FHIT: variants seen among roughly 807,000 people sequenced by gnomAD.
The protein encoded by FHIT is fragile histidine triad diadenosine triphosphatase, also known as bis(5'-adenosyl)-triphosphatase.
Under a neutral mutation model 17.9 loss-of-function variants are expected in FHIT, and 19 were observed. That is an observed-to-expected ratio of 1.06 (90% CI 0.74 to 1.56). The LOEUF (loss-of-function observed/expected upper bound fraction) is 1.56. Among genes scored for constraint, FHIT ranks in the 40% most tolerant of loss-of-function variants. The pLI, the probability that FHIT is intolerant of heterozygous loss-of-function variation, is 0.00. For missense variants in FHIT, 248 were observed against 189.2 expected, an observed-to-expected ratio of 1.31 and a Z score of -1.82; for synonymous variants, 81 against 69.7, an observed-to-expected ratio of 1.16 and a Z score of -0.81.
At chr3:59,976,012 T>C (rs747001178) in intron 7 of FHIT, among the ~76,000 whole-genome samples, 9 of 152,108 alleles carry the variant, frequency 5.9e-5, no homozygotes, top group Non-Finnish European at 1.3e-4. Context: ...CTGAAGGACT[T>C]GGGTTCAGAC....
intron 5 of FHIT, among the ~76,000 whole-genome samples, chr3:60,470,675 T>C (rs1368922551): frequency 2.6e-5 from 4 of 151,938 alleles, no homozygotes; most frequent in Non-Finnish European, 2.9e-5. Context: ...AAATCAGAGA[T>C]CCTAGGAGCC....
At chr3:61,194,039 T>C (rs181245078) in intron 2 of FHIT, among the ~76,000 whole-genome samples, 1 of 125,772 alleles carries the variant, frequency 8.0e-6, no homozygotes, top group East Asian at 2.8e-4. Flanking sequence ...AGAAAATAGA[T>C]TGGCGGTGGT....
intron 5 of FHIT, among the ~76,000 whole-genome samples, chr3:60,045,967 C>T (rs1457100207): frequency 6.6e-6 from 1 of 152,176 alleles, no homozygotes; most frequent in Non-Finnish European, 1.5e-5. Context: ...ATTTCTACAG[C>T]CAACTCTAAT....
chr3:59,908,509 C>T (rs1704689743), intron 8 of FHIT, among the ~76,000 whole-genome samples: 1 of 152,130 alleles, frequency 6.6e-6, no homozygotes, highest in Admixed American at 6.5e-5. Context: ...CACCATCCTG[C>T]AAAGAATGAT....
chr3:59,852,176 C>A (rs1701968026), intron 8 of FHIT, among the ~76,000 whole-genome samples: 2 of 152,126 alleles, frequency 1.3e-5, no homozygotes. Context: ...AGCTGGAGGC[C>A]TTCAGTGTAA....
At chr3:60,077,493 A>G (rs3845976) in intron 5 of FHIT, 98,622 of 151,446 alleles carry the variant, frequency 0.65, 33,040 homozygotes, top group Middle Eastern at 0.77. Flanking sequence ...AGATGAGATT[A>G]GAATATCCTG....
At chr3:60,604,418 C>A (rs571089118) in intron 4 of FHIT, among the ~76,000 whole-genome samples, 1 of 152,182 alleles carries the variant, frequency 6.6e-6, no homozygotes, top group Admixed American at 6.5e-5. Flanking sequence ...AGAGTTGGGG[C>A]CACCCACAGA....
At chr3:61,139,371 CTGAA>C (rs1560013286) in intron 2 of FHIT, among the ~76,000 whole-genome samples, 1 of 152,124 alleles carries the variant, frequency 6.6e-6, no homozygotes, top group Non-Finnish European at 1.5e-5. Flanking sequence ...TTGCTATGAA[CTGAA>C]TGTCTGTGTC....
At chr3:60,417,337 G>A (rs867310599) in intron 5 of FHIT, among the ~76,000 whole-genome samples, 5 of 152,126 alleles carry the variant, frequency 3.3e-5, no homozygotes, top group Admixed American at 6.5e-5. Flanking sequence ...TTTAGTACTT[G>A]CACCATTATG....
intron 3 of FHIT, among the ~76,000 whole-genome samples, chr3:60,975,266 T>C (rs1710186368): frequency 6.6e-6 from 1 of 152,182 alleles, no homozygotes; most frequent in African/African-American, 2.4e-5. Flanking sequence ...TCTTACTCTC[T>C]GGAGAGGCAT....
intron 4 of FHIT, among the ~76,000 whole-genome samples, chr3:60,545,613 T>C (rs1436380726): frequency 6.6e-6 from 1 of 152,200 alleles, no homozygotes; most frequent in East Asian, 1.9e-4. Flanking sequence ...AACCTGAGGG[T>C]TATTTCATAG....
chr3:59,880,178 T>C (rs763084792), intron 8 of FHIT, among the ~76,000 whole-genome samples: 1 of 152,196 alleles, frequency 6.6e-6, no homozygotes, highest in Non-Finnish European at 1.5e-5. Context: ...GTCTCCTGCC[T>C]GTCCCCTCTG....
At chr3:60,671,947 T>C (rs549001734) in intron 4 of FHIT, among the ~76,000 whole-genome samples, 1 of 151,918 alleles carries the variant, frequency 6.6e-6, no homozygotes, top group Admixed American at 6.6e-5. Flanking sequence ...CAAAACTCTG[T>C]CTTGAAAAAA....
chr3:60,829,617 G>C (rs1198868171), intron 3 of FHIT, among the ~76,000 whole-genome samples: 2 of 152,170 alleles, frequency 1.3e-5, no homozygotes, highest in Non-Finnish European at 2.9e-5. Context: ...TCTGGGAATT[G>C]TCCAATGTGC....
chr3:60,632,904 G>C lies in FHIT; in HGVS notation c.-17-95925C>G, dbSNP rs577125970. On this transcript the variant is annotated intron_variant, in intron 4 of 9. Transcript: ENST00000492590. ...TGCAACATAGCTTCTCCAGCCTTTG[G>C]ACACTAAGCAAGTTATCAATAATGC... Among the ~76,000 whole-genome samples, 8 of 152,252 alleles carry C rather than the reference G, an allele frequency of 5.3e-5. No individual in the cohort carries two copies. In the South Asian group the frequency reaches 1.7e-3, roughly 32 times the overall value.
intron 2 of FHIT, among the ~76,000 whole-genome samples, chr3:61,191,113 C>T (rs1485039081): frequency 1.3e-5 from 2 of 151,966 alleles, no homozygotes; most frequent in African/African-American, 2.4e-5. Context: ...AAGAAATTTT[C>T]CTGTTTCACC....
At chr3:60,132,529 A>G (rs1699638854) in intron 5 of FHIT, among the ~76,000 whole-genome samples, 2 of 152,230 alleles carry the variant, frequency 1.3e-5, no homozygotes, top group African/African-American at 4.8e-5. Flanking sequence ...AAGAATGGAG[A>G]AAGCCCTTTA....
chr3:59,871,339 G>A (rs1008441612), intron 8 of FHIT, among the ~76,000 whole-genome samples: 1 of 152,080 alleles, frequency 6.6e-6, no homozygotes, highest in African/African-American at 2.4e-5. Context: ...TTTGCTGTGT[G>A]CGCTATTAAT....
At chr3:61,045,990 G>C (rs144034094) in intron 2 of FHIT, among the ~76,000 whole-genome samples, 2,478 of 152,174 alleles carry the variant, frequency 0.016, 41 homozygotes, top group South Asian at 0.039. Flanking sequence ...ATTCAAAGTA[G>C]TGTGTAGAGG....
Sources: gnomAD v4.1 joint callset for allele counts (sites outside exome capture counted in the v4.1 genomes callset) on GRCh38, gnomAD v4.1.1 for gene constraint, MANE v1.5 for transcripts, NCBI Gene and HGNC (gene_info 2026-07-23, HGNC 2026-07-21) for gene names.